Variants in DPH6 observed in about 807,000 individuals in gnomAD.
DPH6 encodes diphthine--ammonia ligase.
A neutral mutation model predicts 38.2 loss-of-function variants in DPH6; 33 were observed. The ratio of observed to expected loss-of-function variants is 0.86; its 90% CI spans 0.65 to 1.15. The LOEUF is 1.15. Ranked by LOEUF, DPH6 falls within the 50% of genes most tolerant of loss-of-function variation. The pLI is 0.00. For synonymous variants in DPH6, 108 were observed against 103.0 expected (o/e 1.05, Z -0.30); for missense variants, 325 against 320.0 (o/e 1.02, Z -0.12).
intron 5 of DPH6, among the ~76,000 whole-genome samples, chr15:35,440,931 A>G (rs986299654): frequency 6.6e-6 from 1 of 152,224 alleles, no homozygotes. Context: ...AATATCCAGA[A>G]TCTACAAGGA....
intron 3 of DPH6, among the ~76,000 whole-genome samples, chr15:35,500,177 TA>T (rs2054608170): frequency 6.6e-6 from 1 of 152,204 alleles, no homozygotes; most frequent in African/African-American, 2.4e-5. Context: ...ATCAGTATCA[TA>T]ATCACTCTAT....
chr15:35,493,718 T>C (rs1304837911), intron 3 of DPH6, among the ~76,000 whole-genome samples: 3 of 152,124 alleles, frequency 2.0e-5, no homozygotes, highest in African/African-American at 4.8e-5. Flanking sequence ...ATCAAGAGCA[T>C]GTGAACTGGT....
chr15:35,537,202 A>G (rs1392398445), intron 3 of DPH6, among the ~76,000 whole-genome samples: 1 of 152,126 alleles, frequency 6.6e-6, no homozygotes, highest in Admixed American at 6.6e-5. Context: ...TAGCTACTTG[A>G]AACTAGAAAA....
intron 3 of DPH6, chr15:35,521,880 T>C: frequency 7.2e-7 from 1 of 1,380,962 alleles, no homozygotes; most frequent in Non-Finnish European, 9.3e-7. Context: ...TTAATTAGTG[T>C]TCACATTACA....
intron 2 of DPH6, among the ~76,000 whole-genome samples, 197 bp downstream of exon 2, chr15:35,542,216 A>G (rs1249950229): frequency 6.6e-6 from 1 of 152,118 alleles, no homozygotes; most frequent in Non-Finnish European, 1.5e-5. Flanking sequence ...GTGCATCTCT[A>G]TAGAAGTTGG....
chr15:35,335,077 T>C (rs2052358597), intron 3 of DPH6, among the ~76,000 whole-genome samples: 2 of 152,166 alleles, frequency 1.3e-5, no homozygotes, highest in Admixed American at 6.6e-5. Context: ...GTTTTTTGAC[T>C]TTTTAATAAT....
At chr15:35,401,468 G>T (rs1362764791) in intron 6 of DPH6, 2 of 773,642 alleles carry the variant, frequency 2.6e-6, no homozygotes, top group South Asian at 1.4e-5. Flanking sequence ...GGTGGACAGG[G>T]TTATGGAAAC....
chr15:35,411,354 AT>A (rs1414329709), intron 5 of DPH6, among the ~76,000 whole-genome samples: 1 of 151,804 alleles, frequency 6.6e-6, no homozygotes, highest in East Asian at 1.9e-4. Flanking sequence ...GTAGACTGTT[AT>A]GCTTATGTAA....
chr15:35,448,828 C>T (rs964690727), intron 5 of DPH6, among the ~76,000 whole-genome samples: 3 of 151,884 alleles, frequency 2.0e-5, no homozygotes, highest in Non-Finnish European at 4.4e-5. Flanking sequence ...TCATTGATGC[C>T]TATAAGACAT....
At chr15:35,355,362 T>C (rs1353657150) in intron 3 of DPH6, among the ~76,000 whole-genome samples, 1 of 152,252 alleles carries the variant, frequency 6.6e-6, no homozygotes, top group Admixed American at 6.5e-5. Context: ...CGTTATTTGA[T>C]GCAGTTTCTT....
chr15:35,293,600 T>C (rs1287297168), intron 3 of DPH6, among the ~76,000 whole-genome samples: 1 of 152,154 alleles, frequency 6.6e-6, no homozygotes, highest in Non-Finnish European at 1.5e-5. Context: ...AAGAGGTGAG[T>C]CATTGAATTC....
At chr15:35,236,511 C>T (rs781548749) in intron 3 of DPH6, among the ~76,000 whole-genome samples, 38 of 151,904 alleles carry the variant, frequency 2.5e-4, no homozygotes, top group Non-Finnish European at 4.0e-4. Flanking sequence ...TGTTGGCGGG[C>T]GCCTGTAGTC....
chr15:35,254,195 C>T (rs1030044869), intron 3 of DPH6, among the ~76,000 whole-genome samples: 11 of 152,226 alleles, frequency 7.2e-5, no homozygotes, highest in African/African-American at 2.7e-4. Flanking sequence ...TATTAACATA[C>T]TATTAACAAT....
chr15:35,175,682 C>T, the DPH6 span, among the ~76,000 whole-genome samples: 1 of 140,424 alleles, frequency 7.1e-6, no homozygotes, highest in African/African-American at 2.6e-5. Context: ...ATTAGGTAAG[C>T]TGGGGCTGTT....
At chr15:35,253,004 T>C (rs1328100436) in intron 3 of DPH6, among the ~76,000 whole-genome samples, 3 of 152,196 alleles carry the variant, frequency 2.0e-5, no homozygotes, top group African/African-American at 4.8e-5. Flanking sequence ...ATAAATAGAC[T>C]TGGGTCTGCA....
At chr15:35,237,232 G>A in intron 3 of DPH6, 2 of 1,098,254 alleles carry the variant, frequency 1.8e-6, no homozygotes, top group Non-Finnish European at 1.4e-6. Flanking sequence ...CGAGAACTGA[G>A]CGGAGCTGGT....
intron 3 of DPH6, among the ~76,000 whole-genome samples, chr15:35,323,748 A>T (rs890056018): frequency 6.6e-5 from 10 of 152,204 alleles, no homozygotes; most frequent in Non-Finnish European, 1.2e-4. Flanking sequence ...TACTAATAAA[A>T]TAACTAAATG....
At chr15:35,440,917 G>A (rs1746152458) in intron 5 of DPH6, among the ~76,000 whole-genome samples, 1 of 152,062 alleles carries the variant, frequency 6.6e-6, no homozygotes, top group East Asian at 1.9e-4. Context: ...TCTGACAAAG[G>A]ACAAATATCC....
intron 3 of DPH6, among the ~76,000 whole-genome samples, chr15:35,333,473 G>A (rs1281716100): frequency 1.3e-5 from 2 of 152,084 alleles, no homozygotes; most frequent in African/African-American, 4.8e-5. Flanking sequence ...GCAACGTCAG[G>A]CCATGATTAG....
Sources: allele counts gnomAD v4.1 joint callset (sites outside exome capture counted in the v4.1 genomes callset), GRCh38; gene constraint gnomAD v4.1.1; transcripts MANE v1.5; gene names NCBI Gene and HGNC (gene_info 2026-07-23, HGNC 2026-07-21).